RAPGEF2: variants seen among roughly 807,000 people sequenced by gnomAD.
The protein encoded by RAPGEF2 is PDZ domain containing guanine nucleotide exchange factor (GEF) 1.
RAPGEF2 carries 54 observed loss-of-function variants against 186.7 expected under a neutral mutation model. The ratio of observed to expected loss-of-function variants is 0.29; its 90% CI spans 0.23 to 0.36. The LOEUF (loss-of-function observed/expected upper bound fraction) is 0.36. Among genes scored for constraint, RAPGEF2 ranks in the 10% least tolerant of loss-of-function variants. The pLI is 1.00. For synonymous variants in RAPGEF2, 712 were observed against 705.9 expected (o/e 1.01, Z -0.14); for missense variants, 1,532 against 2,045.0 (o/e 0.75, Z 4.84).
intron 1 of RAPGEF2, among the ~76,000 whole-genome samples, chr4:159,165,455 CTCTA>C (rs1400976554): frequency 6.6e-6 from 1 of 152,034 alleles, no homozygotes; most frequent in Non-Finnish European, 1.5e-5. Context: ...ATCTATATAT[CTCTA>C]TCTGTATACA....
chr4:159,260,298 A>T (rs918351622), intron 7 of RAPGEF2, among the ~76,000 whole-genome samples: 7 of 149,250 alleles, frequency 4.7e-5, no homozygotes, highest in Admixed American at 6.6e-5. Context: ...TTTTTTTTTT[A>T]AAGTAAGGGA....
chr4:159,131,749 C>G (rs1018842658), intron 1 of RAPGEF2, among the ~76,000 whole-genome samples: 7 of 151,148 alleles, frequency 4.6e-5, no homozygotes, highest in Admixed American at 4.0e-4. Context: ...TCCTACAGCC[C>G]GGCATCTCCT....
chr4:159,241,321 G>T lies in RAPGEF2; in HGVS notation c.478G>T (p.Asp160Tyr). Residue 160 changes from aspartate (D) to tyrosine (Y), a missense_variant, in exon 6 of 30, where the codon GAT becomes TAT. This residue lies in a region of RAPGEF2 where 810 missense variants were observed against 1,210.5 expected (regional missense o/e 0.67). Coordinates refer to ENST00000691494, the MANE Select transcript of RAPGEF2 (RefSeq NM_001394067.2). Reference sequence around the variant, plus strand: ...AAGACAAACAATTATTGACACTGTGGATCCTTATCCCATGGGCAAACCTCC... The same window carrying T: ...AAGACAAACAATTATTGACACTGTGTATCCTTATCCCATGGGCAAACCTCC... ...GERQTIIDTV[D>Y]PYPMGKPPLP... is the part of the protein sequence containing the mutation. The T allele has an allele frequency of 6.5e-7, 1 of 1,529,282 alleles. No homozygotes were observed. The highest frequency in any genetic ancestry group is 8.8e-7 in the Non-Finnish European group (1 of 1,142,678). 94.7% of individuals were successfully genotyped at this position (1,529,282 alleles called of 1,614,324 possible).
intron 1 of RAPGEF2, among the ~76,000 whole-genome samples, chr4:159,117,564 T>C (rs1739179092): frequency 6.6e-6 from 1 of 152,106 alleles, no homozygotes; most frequent in Admixed American, 6.6e-5. Flanking sequence ...TCCTACTTTA[T>C]ATATTCTGCG....
intron 7 of RAPGEF2, among the ~76,000 whole-genome samples, chr4:159,276,990 T>C (rs973477270): frequency 6.6e-6 from 1 of 152,190 alleles, no homozygotes; most frequent in African/African-American, 2.4e-5. Flanking sequence ...TTGTTACATA[T>C]GTATACATGT....
intron 20 of RAPGEF2, 93 bp downstream of exon 20, chr4:159,342,040 T>A: frequency 8.0e-7 from 1 of 1,244,768 alleles, no homozygotes; most frequent in Non-Finnish European, 1.1e-6. Context: ...GTATAAATGC[T>A]ATAGGTTTTA....
At chr4:159,131,790 C>T (rs796129966) in intron 1 of RAPGEF2, among the ~76,000 whole-genome samples, 6 of 151,218 alleles carry the variant, frequency 4.0e-5, no homozygotes, top group African/African-American at 1.2e-4. Context: ...TTGGCATACT[C>T]GATATTTCCA....
intron 2 of RAPGEF2, among the ~76,000 whole-genome samples, chr4:159,189,162 A>G (rs1401318064): frequency 2.0e-5 from 3 of 152,240 alleles, no homozygotes; most frequent in Non-Finnish European, 4.4e-5. Flanking sequence ...ACACAGTTTT[A>G]CAATTTTAGG....
intron 1 of RAPGEF2, among the ~76,000 whole-genome samples, chr4:159,171,438 G>A (rs1017369176): frequency 5.9e-5 from 9 of 152,158 alleles, no homozygotes; most frequent in Admixed American, 5.2e-4. Flanking sequence ...CTTGTTCAGG[G>A]ATGCCAAGCT....
chr4:159,268,452 A>G (rs1757704242), intron 7 of RAPGEF2, among the ~76,000 whole-genome samples: 1 of 152,172 alleles, frequency 6.6e-6, no homozygotes, highest in Non-Finnish European at 1.5e-5. Flanking sequence ...ACTGAGAAAT[A>G]TTGGGCAGCT....
chr4:159,104,886 A>T (rs1351828456), intron 1 of RAPGEF2, among the ~76,000 whole-genome samples: 2 of 152,228 alleles, frequency 1.3e-5, no homozygotes, highest in Non-Finnish European at 2.9e-5. Context: ...AAAAAAGTTG[A>T]ATAGCTAAGT....
chr4:159,145,583 C>T (rs1169332018), intron 1 of RAPGEF2, among the ~76,000 whole-genome samples: 10 of 152,172 alleles, frequency 6.6e-5, no homozygotes, highest in African/African-American at 1.9e-4. Flanking sequence ...AGATAATTTA[C>T]GTTCCTCTTT....
chr4:159,214,220 A>G (rs1036951170), intron 4 of RAPGEF2, among the ~76,000 whole-genome samples: 3 of 152,194 alleles, frequency 2.0e-5, no homozygotes, highest in African/African-American at 7.2e-5. Context: ...GCAATTGTGG[A>G]CACTGTTGTA....
chr4:159,201,358 G>A (rs1238093793), intron 3 of RAPGEF2, among the ~76,000 whole-genome samples: 4 of 152,104 alleles, frequency 2.6e-5, no homozygotes, highest in Non-Finnish European at 5.9e-5. Flanking sequence ...TTTTGAAGCC[G>A]TGGAACACTT....
rs1181757493 is a variant in RAPGEF2, at chr4:159,210,499, G to C, written c.198-1G>C. The C allele has an allele frequency of 6.5e-7, 1 of 1,528,610 alleles. No individual in the cohort carries two copies. 94.7% of individuals were successfully genotyped at this position (1,528,610 alleles called of 1,614,324 possible). ...CTGATTCTGTTACCTTTTCTTTTCAGCCCTGATGATATTGGGACCTGCTGG... is the reference window on the plus strand; with the variant it reads ...CTGATTCTGTTACCTTTTCTTTTCACCCCTGATGATATTGGGACCTGCTGG... On this transcript the variant is annotated splice_acceptor_variant, in intron 3 of 29. Coordinates refer to ENST00000691494, the MANE Select transcript of RAPGEF2 (RefSeq NM_001394067.2). LOFTEE classifies it high-confidence loss of function.
intron 7 of RAPGEF2, among the ~76,000 whole-genome samples, chr4:159,277,431 G>A (rs1266535205): frequency 1.3e-5 from 2 of 152,166 alleles, no homozygotes; most frequent in Non-Finnish European, 2.9e-5. Context: ...AATCCTTTGG[G>A]TATATACCCA....
rs370907167 is a variant in RAPGEF2, at chr4:159,272,952, G to T, written c.543+29161G>T. Among the ~76,000 whole-genome samples the T allele has an allele frequency of 2.5e-4, 38 of 152,276 alleles. No individual in the cohort carries two copies. The East Asian group carries it at 3.7e-3, about 15-fold the overall frequency. ...AGAAAACTCAATTAACAAAAAATGT[G>T]TTATATTACCATGACAGTTTGACCT... On this transcript the variant is annotated intron_variant, in intron 7 of 29. Coordinates refer to ENST00000691494, the MANE Select transcript of RAPGEF2 (RefSeq NM_001394067.2).
chr4:159,270,657 T>A (rs912880519), intron 7 of RAPGEF2, among the ~76,000 whole-genome samples: 1 of 152,234 alleles, frequency 6.6e-6, no homozygotes, highest in African/African-American at 2.4e-5. Flanking sequence ...TCTGTCTCAT[T>A]CAGTGCATAC....
chr4:159,289,679 G>A (rs1760943018), intron 7 of RAPGEF2, among the ~76,000 whole-genome samples: 1 of 152,120 alleles, frequency 6.6e-6, no homozygotes. Context: ...AGAGGGCATT[G>A]GATTATTAAA....
Sources: gnomAD v4.1 joint callset for allele counts (sites outside exome capture counted in the v4.1 genomes callset) on GRCh38, gnomAD v4.1.1 for gene constraint, gnomAD v4.1.1 regional missense constraint, MANE v1.5 for transcripts, NCBI Gene and HGNC (gene_info 2026-07-23, HGNC 2026-07-21) for gene names.